USH2A: variants seen among roughly 807,000 people sequenced by gnomAD.
USH2A encodes the protein usherin, also known as Usher syndrome 2A (autosomal recessive, mild).
USH2A carries 443 observed loss-of-function variants against 538.9 expected under a neutral mutation model. That is an observed-to-expected ratio of 0.82 (90% CI 0.76 to 0.89). The LOEUF (loss-of-function observed/expected upper bound fraction) is 0.89, where lower values mean the gene tolerates loss of function less well. Ranked by LOEUF, USH2A falls within the 40% of genes least tolerant of loss-of-function variation. USH2A has a pLI of 0.00. For synonymous variants in USH2A, 2,413 were observed against 2,273.5 expected, an observed-to-expected ratio of 1.06 and a Z score of -1.75; for missense variants, 6,633 against 6,324.8, an observed-to-expected ratio of 1.05 and a Z score of -1.65.
chr1:215,952,153 C>T (rs1190778403), intron 37 of USH2A, among the ~76,000 whole-genome samples: 3 of 152,288 alleles, frequency 2.0e-5, no homozygotes, highest in Admixed American at 1.3e-4. Flanking sequence ...CGTGAGCCAC[C>T]GCGCCCGGCC....
rs1443377716 is a variant in USH2A at position 215,998,892 on chromosome 1, G to T, written c.6652C>A (p.Leu2218Met). Residue 2218 changes from leucine to methionine, a missense_variant, in exon 34 of 72, where the codon CTG becomes ATG. Transcript: ENST00000307340. ...VLPGNKYLIK[L>M]GACTGGGCTV... Reference sequence around the variant, plus strand: ...AGTGATGGAAATAAACTTACTCCCAGCTTGATGAGATATTTATTACCAGGT... The same window carrying T: ...AGTGATGGAAATAAACTTACTCCCATCTTGATGAGATATTTATTACCAGGT... The T allele has an allele frequency of 1.2e-6, 2 of 1,612,852 alleles. No individual in the cohort carries two copies. Among genetic ancestry groups the T allele is most frequent in the Non-Finnish European group, 1.7e-6 (2 of 1,179,300 alleles).
chr1:216,330,696 G>A (rs1366553801), intron 4 of USH2A, among the ~76,000 whole-genome samples: 2 of 152,016 alleles, frequency 1.3e-5, no homozygotes, highest in Non-Finnish European at 2.9e-5. Flanking sequence ...TCTGGTCTGA[G>A]TAAAATGGGA....
chr1:216,346,607 T>G (rs554487243), intron 4 of USH2A, among the ~76,000 whole-genome samples: 2 of 151,992 alleles, frequency 1.3e-5, no homozygotes, highest in East Asian at 3.9e-4. Flanking sequence ...GTTATGGAAA[T>G]GCCCCCACTC....
chr1:216,108,605 G>A lies in USH2A; in HGVS notation c.4628-11392C>T, dbSNP rs1358113966. On this transcript the variant is annotated intron_variant, in intron 21 of 71. Transcript: ENST00000307340. ...CATCTCCATGTATGTTAAATCTCCT[G>A]ATATTATTCCACATGTTATCGATCT... is the stretch of plus-strand genomic sequence containing the variant. 2.6e-5 allele frequency among the ~76,000 whole-genome samples: 4 copies of A among 151,820 alleles called. No individual in the cohort carries two copies. In the East Asian group the frequency reaches 7.8e-4, roughly 29 times the overall value.
At chr1:215,781,893 T>C (rs1329182486) in intron 54 of USH2A, 149 bp downstream of exon 54, 1 of 933,206 alleles carries the variant, frequency 1.1e-6, no homozygotes, top group African/African-American at 1.6e-5. Flanking sequence ...GTATTAGCAC[T>C]CAGTTAACGT....
chr1:215,771,453 G>A (rs1661282504), intron 55 of USH2A, among the ~76,000 whole-genome samples: 2 of 149,802 alleles, frequency 1.3e-5, no homozygotes, highest in South Asian at 2.1e-4. Context: ...AGTGGCGGGC[G>A]CCTGCAGTCC....
chr1:216,389,557 AT>A (rs1479655270), intron 3 of USH2A, among the ~76,000 whole-genome samples: 2 of 152,138 alleles, frequency 1.3e-5, no homozygotes, highest in African/African-American at 2.4e-5. Context: ...GTAGAAACTA[AT>A]TTTTAACATG....
In USH2A at chr1:216,247,184, C is replaced by T. The variant is rs778957703; in HGVS notation, c.2210G>A (p.Arg737Gln). The T allele has an allele frequency of 8.1e-6, 13 of 1,613,890 alleles. No homozygotes were observed. The highest frequency in any genetic ancestry group is 4.5e-5 in the East Asian group (2 of 44,856). Residue 737 changes from arginine (R) to glutamine (Q), a missense_variant, in exon 13 of 72, where the codon CGA becomes CAA. By Grantham distance (43) the Arg-to-Gln change is conservative. Coordinates refer to ENST00000307340, the MANE Select transcript of USH2A (RefSeq NM_206933.4). ...CTCACATCCAACATCATTAAAGCTT[C>T]GGAGAAATTTAAATCCAAAATTGCA... The part of the protein sequence containing the change: ...DHCNFGFKFL[R>Q]SFNDVGCEPC...
intron 38 of USH2A, among the ~76,000 whole-genome samples, chr1:215,923,925 C>T (rs897492650): frequency 1.3e-5 from 2 of 151,656 alleles, no homozygotes; most frequent in African/African-American, 4.8e-5. Context: ...TGGGGTCTCA[C>T]TATGTTGCCC....
At position 216,422,512 on chromosome 1, in the gene USH2A, A is replaced by G. The variant is rs2039697007; in HGVS notation, c.-176T>C. ...GGTAATACCAACGACGTTCTTAGCA[A>G]TGGCGAAGACATGAGTAGCTGCTGG... is the stretch of plus-strand genomic sequence containing the variant. On this transcript the variant is annotated 5_prime_UTR_variant, in exon 2 of 72. Transcript: ENST00000307340. 1 of 846,242 alleles carries G rather than the reference A, an allele frequency of 1.2e-6. No homozygotes were observed. Among genetic ancestry groups the G allele is most frequent in the Admixed American group, 2.6e-5 (1 of 37,788 alleles). The allele number at this position is 846,242 out of a possible 1,614,324, so 52.4% of individuals were successfully genotyped here.
At chr1:216,265,485 C>T (rs945187302) in intron 11 of USH2A, among the ~76,000 whole-genome samples, 1 of 151,936 alleles carries the variant, frequency 6.6e-6, no homozygotes, top group Admixed American at 6.6e-5. Context: ...TTCAGCAATC[C>T]CACTACTGGG....
chr1:216,192,233 C>T lies in USH2A; in HGVS notation c.4252-1866G>A, dbSNP rs369799361. On this transcript the variant is annotated intron_variant, in intron 19 of 71. Coordinates refer to ENST00000307340, the MANE Select transcript of USH2A (RefSeq NM_206933.4). ...TAGTTATTTTTATAGTAGATTTTCC[C>T]TGGGAATTTTGGCTATTTATTTACA... Among the ~76,000 whole-genome samples the T allele has an allele frequency of 9.9e-5, 15 of 152,132 alleles. 1 individual carries two copies. Among genetic ancestry groups the T allele is most frequent in the Admixed American group, 3.9e-4 (6 of 15,238 alleles).
At chr1:216,325,156 G>C in intron 6 of USH2A, 149 bp downstream of exon 6, 1 of 933,242 alleles carries the variant, frequency 1.1e-6, no homozygotes, top group South Asian at 1.6e-5. Context: ...ATCTTTAAGG[G>C]AATGTAGCCC....
chr1:215,873,426 C>T (rs990074813), intron 43 of USH2A, among the ~76,000 whole-genome samples: 4 of 152,128 alleles, frequency 2.6e-5, no homozygotes, highest in African/African-American at 9.7e-5. Flanking sequence ...TATAGAAACA[C>T]GTGTCATGGA....
chr1:216,285,616 A>C (rs2036867112), intron 11 of USH2A, among the ~76,000 whole-genome samples: 1 of 152,224 alleles, frequency 6.6e-6, no homozygotes, highest in African/African-American at 2.4e-5. Context: ...ACCATCCTCC[A>C]GACCTCAGAA....
chr1:215,855,108 A>T (rs1664126638), intron 44 of USH2A, among the ~76,000 whole-genome samples: 1 of 152,184 alleles, frequency 6.6e-6, no homozygotes, highest in African/African-American at 2.4e-5. Flanking sequence ...CTATATCAAT[A>T]GTATGTAAAT....
chr1:216,157,919 C>G (rs1309451163), intron 21 of USH2A, among the ~76,000 whole-genome samples: 1 of 152,004 alleles, frequency 6.6e-6, no homozygotes, highest in Non-Finnish European at 1.5e-5. Flanking sequence ...AAGTAACAAA[C>G]CCGCATGTTG....
At chr1:216,275,067 T>C (rs1558357773) in intron 11 of USH2A, among the ~76,000 whole-genome samples, 1 of 152,142 alleles carries the variant, frequency 6.6e-6, no homozygotes, top group Non-Finnish European at 1.5e-5. Context: ...TGAATGGTTT[T>C]AAGAGGAAGC....
intron 10 of USH2A, among the ~76,000 whole-genome samples, chr1:216,291,730 A>G (rs941814618): frequency 6.6e-5 from 10 of 152,224 alleles, no homozygotes; most frequent in African/African-American, 2.4e-4. Context: ...ATTTTCAAAA[A>G]GAGTATTCTC....
Sources: gnomAD v4.1 joint callset for allele counts (sites outside exome capture counted in the v4.1 genomes callset) on GRCh38, gnomAD v4.1.1 for gene constraint, MANE v1.5 for transcripts, NCBI Gene and HGNC (gene_info 2026-07-23, HGNC 2026-07-21) for gene names.